Variants in USP20 observed in about 807,000 individuals in gnomAD.
The protein encoded by USP20 is ubiquitin carboxyl-terminal hydrolase 20.
A neutral mutation model predicts 124.2 loss-of-function variants in USP20; 80 were observed. The observed-to-expected ratio is 0.64, with a 90% confidence interval of 0.54 to 0.78. USP20 has a LOEUF of 0.78. USP20 is among the 30% of genes least tolerant of loss of function. The pLI, the probability that USP20 is intolerant of heterozygous loss-of-function variation, is 0.00. For synonymous variants in USP20, 481 were observed against 512.3 expected (o/e 0.94, Z 0.83); for missense variants, 1,043 against 1,244.4 (o/e 0.84, Z 2.44).
At chr9:129,873,657 C>T (rs2034243282) in intron 16 of USP20, 42 bp from the exon 17 acceptor site, 1 of 1,613,786 alleles carries the variant, frequency 6.2e-7, no homozygotes, top group Non-Finnish European at 8.5e-7. Flanking sequence ...GGCCCCTGGC[C>T]CTGATGCCGG....
chr9:129,865,825 C>T (rs1263895550), intron 10 of USP20, among the ~76,000 whole-genome samples: 13 of 152,134 alleles, frequency 8.5e-5, no homozygotes, highest in Admixed American at 7.2e-4. Flanking sequence ...CCACTGCACC[C>T]GGCGGAGGGG....
intron 3 of USP20, among the ~76,000 whole-genome samples, chr9:129,855,400 C>T (rs1255023262): frequency 6.6e-6 from 1 of 150,968 alleles, no homozygotes; most frequent in Non-Finnish European, 1.5e-5. Context: ...CACTGCACTC[C>T]AGCCTGGGTG....
intron 11 of USP20, 29 bp from the exon 12 acceptor site, chr9:129,868,833 G>T (rs1183977252): frequency 6.5e-7 from 1 of 1,527,328 alleles, no homozygotes; most frequent in Non-Finnish European, 8.8e-7. Context: ...GGCTGCCCTG[G>T]CCCAGCATGG....
chr9:129,844,973 A>G (rs2032453971), intron 1 of USP20, among the ~76,000 whole-genome samples: 1 of 152,046 alleles, frequency 6.6e-6, no homozygotes, highest in Non-Finnish European at 1.5e-5. Flanking sequence ...ACTTAAGCCC[A>G]GGAGTTCAAG....
chr9:129,879,962 A>G lies in USP20; in HGVS notation c.2585-151A>G. The G allele has an allele frequency of 1.0e-6, 1 of 962,360 alleles. No homozygotes were observed. Among genetic ancestry groups the G allele is most frequent in the Non-Finnish European group, 1.5e-6 (1 of 659,900 alleles). 59.6% of individuals were successfully genotyped at this position (962,360 alleles called of 1,614,324 possible). A position where few individuals can be genotyped will look rare whatever the true frequency, so the allele number is the denominator to read the frequency against. On this transcript the variant is annotated intron_variant, in intron 24 of 25. Transcript: ENST00000372429. This position sits in a 1 kb window ranked among gnomAD's most constrained non-coding sequence, Gnocchi z 4.2. ...TAGCGGGATGGACATTCCTCTGGGA[A>G]ATCCTGATTTCCATCTGACAGCTTT...
intron 1 of USP20, among the ~76,000 whole-genome samples, chr9:129,840,352 C>G (rs1356032904): frequency 6.6e-6 from 1 of 152,168 alleles, no homozygotes; most frequent in Non-Finnish European, 1.5e-5. Context: ...AGATGAGAAA[C>G]AGCCGCCCTT....
chr9:129,868,669 C>T (rs980871842), intron 11 of USP20, among the ~76,000 whole-genome samples, 193 bp from the exon 12 acceptor site: 1 of 152,132 alleles, frequency 6.6e-6, no homozygotes, highest in African/African-American at 2.4e-5. Context: ...GAGCCCTGAG[C>T]CTTCCAGCCG....
chr9:129,880,550 C>T lies in USP20; in HGVS notation c.*100C>T. 1 of 450,158 alleles carries T rather than the reference C, an allele frequency of 2.2e-6. No individual in the cohort carries two copies. Among genetic ancestry groups the T allele is most frequent in the South Asian group, 3.4e-5 (1 of 29,106 alleles). The allele number at this position is 450,158 out of a possible 1,614,324, so 27.9% of individuals were successfully genotyped here. A position where few individuals can be genotyped will look rare whatever the true frequency, so the allele number is the denominator to read the frequency against. On this transcript the variant is annotated 3_prime_UTR_variant, in exon 26 of 26. Transcript: ENST00000372429. Reference sequence around the variant, plus strand: ...TGCAGAACCCCGCCGTGTAAAGAGGCAGAAAAGTTGGTTTGGTTTGCAGTA... The same window carrying T: ...TGCAGAACCCCGCCGTGTAAAGAGGTAGAAAAGTTGGTTTGGTTTGCAGTA...
chr9:129,858,794 G>C (rs1413947182), intron 6 of USP20, among the ~76,000 whole-genome samples, 196 bp downstream of exon 6: 1 of 152,192 alleles, frequency 6.6e-6, no homozygotes, highest in African/African-American at 2.4e-5. Context: ...CGAGGCATGT[G>C]TGAGACCATG....
At chr9:129,842,923 T>C (rs921637926) in intron 1 of USP20, among the ~76,000 whole-genome samples, 4 of 152,102 alleles carry the variant, frequency 2.6e-5, no homozygotes, top group Non-Finnish European at 5.9e-5. Context: ...ACCCAGTGTT[T>C]TCTGTACTAC....
Position 129,852,586 on chromosome 9 carries a change from C to T in USP20, c.31C>T (p.Leu11Phe), listed in dbSNP as rs569499058. The T allele has an allele frequency of 1.3e-5, 21 of 1,600,282 alleles. No individual in the cohort carries two copies. The South Asian group carries it at 1.7e-4, about 13-fold the overall frequency. ...GGACTCCAGGGACCTTTGCCCTCAC[C>T]TTGACTCCATAGGAGAGGTGACCAA... is the stretch of plus-strand genomic sequence containing the variant. MGDSRDLCPH[L>F]DSIGEVTKED... The change falls in exon 3 of 26, where the codon CTT (leucine) becomes TTT (phenylalanine). Residue 11 changes from leucine (L) to phenylalanine (F), a missense_variant. By Grantham distance (22) the Leu-to-Phe change is conservative. Coordinates refer to ENST00000372429, the MANE Select transcript of USP20 (RefSeq NM_001110303.4).
intron 9 of USP20, among the ~76,000 whole-genome samples, chr9:129,864,699 G>A (rs918826173): frequency 6.6e-5 from 10 of 150,914 alleles, no homozygotes; most frequent in Non-Finnish European, 1.0e-4. Context: ...ACTTGAACTC[G>A]GGAGGCGGAG....
In USP20 at chr9:129,869,096, C is replaced by T. The variant is rs556119073; in HGVS notation, c.1276+94C>T. On this transcript the variant is annotated intron_variant, in intron 12 of 25. Transcript: ENST00000372429. Reference sequence around the variant, plus strand: ...CTCATGGCCCCCTGTGGCGGAGGGCCGGGCTATGGGCTCCTCTCAGGTACA... The same window carrying T: ...CTCATGGCCCCCTGTGGCGGAGGGCTGGGCTATGGGCTCCTCTCAGGTACA... The T allele has an allele frequency of 9.5e-5, 140 of 1,474,806 alleles. 1 individual carries two copies. In the African/African-American group the frequency reaches 1.2e-3, roughly 13 times the overall value. 91.4% of individuals were successfully genotyped at this position (1,474,806 alleles called of 1,614,324 possible).
intron 14 of USP20, 53 bp from the exon 15 acceptor site, chr9:129,870,400 C>T: frequency 6.3e-7 from 1 of 1,582,882 alleles, no homozygotes; most frequent in Non-Finnish European, 8.7e-7. Context: ...CCCTTCAGCT[C>T]CTGTTCTTGC....
rs749306581 is a variant in USP20, at chr9:129,874,743, C to T, written c.1908C>T (p.His636=). ...ACCTCCTCTCGGTCATCTGCCACCA[C>T]GGCACGGCAGGCAGTGAGTCATGTC... The part of the protein sequence containing the change: ...TYDLLSVICH[H]GTAGSGHYIA... The change falls in exon 18 of 26, where the codon CAC becomes CAT. Residue 636 remains histidine (H), a synonymous_variant. Transcript: ENST00000372429. 27 of 1,613,902 alleles carry T rather than the reference C, an allele frequency of 1.7e-5. No homozygotes were observed. The highest frequency in any genetic ancestry group is 9.3e-5 in the African/African-American group (7 of 75,052).
At chr9:129,843,473 C>T (rs954517293) in intron 1 of USP20, among the ~76,000 whole-genome samples, 21 of 151,898 alleles carry the variant, frequency 1.4e-4, no homozygotes, top group Non-Finnish European at 2.6e-4. Flanking sequence ...CAGTGACTCA[C>T]GCCTGTAATC....
At chr9:129,848,234 T>G (rs1257172149) in intron 1 of USP20, among the ~76,000 whole-genome samples, 2 of 151,606 alleles carry the variant, frequency 1.3e-5, no homozygotes, top group African/African-American at 4.9e-5. Context: ...AGGCGGAGGT[T>G]GCGGTGAGCT....
At position 129,839,051 on chromosome 9, in the gene USP20, G is replaced by T. The variant is rs2032041891; in HGVS notation, c.-129+3552G>T. On this transcript the variant is annotated intron_variant, in intron 1 of 25. Coordinates refer to ENST00000372429, the MANE Select transcript of USP20 (RefSeq NM_001110303.4). This position sits in a 1 kb window ranked among gnomAD's most constrained non-coding sequence, Gnocchi z 4.5. ...AGTACGCGTGTTTGGATTTGGGGAG[G>T]TGAAGGTCGTCCCCATGCCAGGCTG... Among the ~76,000 whole-genome samples the T allele has an allele frequency of 6.6e-6, 1 of 152,192 alleles. No individual in the cohort carries two copies. Among genetic ancestry groups the T allele is most frequent in the African/African-American group, 2.4e-5 (1 of 41,448 alleles).
In USP20 at chr9:129,869,333, C is replaced by T. The variant is rs367662771; in HGVS notation, c.1300C>T (p.Arg434Trp). The change falls in exon 13 of 26, where the codon CGG becomes TGG. Residue 434 changes from arginine (R) to tryptophan (W), a missense_variant. Arg to Trp is a moderately radical substitution (Grantham distance 101, BLOSUM62 -3). Transcript: ENST00000372429. ...AGCCCAGGTATTGAGTGCTGGCAGC[C>T]GGAGGCGGAAGGAGCAGCGCTACCG... Reference protein sequence around the residue: ...KKAQVLSAGSRRRKEQRYRSV... With the variant: ...KKAQVLSAGSWRRKEQRYRSV... The T allele has an allele frequency of 2.2e-5, 36 of 1,613,670 alleles. No individual in the cohort carries two copies. The highest frequency in any genetic ancestry group is 6.7e-5 in the East Asian group (3 of 44,876).
Sources: gnomAD v4.1 joint callset for allele counts (sites outside exome capture counted in the v4.1 genomes callset) on GRCh38, gnomAD v4.1.1 for gene constraint, Gnocchi (gnomAD v3.1) non-coding constraint, MANE v1.5 for transcripts, NCBI Gene and HGNC (gene_info 2026-07-23, HGNC 2026-07-21) for gene names.